ITGAM: variants seen among roughly 807,000 people sequenced by gnomAD.
The protein encoded by ITGAM is integrin subunit alpha M.
Under a neutral mutation model 137.5 loss-of-function variants are expected in ITGAM, and 79 were observed. The ratio of observed to expected loss-of-function variants is 0.57; its 90% confidence interval spans 0.48 to 0.69. ITGAM has a LOEUF of 0.69. Ranked by LOEUF, ITGAM falls within the 30% of genes least tolerant of loss-of-function variation. The pLI is 0.00. For missense variants in ITGAM, 1,343 were observed against 1,483.5 expected (o/e 0.91, Z 1.56); for synonymous variants, 583 against 592.3 (o/e 0.98, Z 0.23).
At position 31,331,921 on chromosome 16, in the gene ITGAM, T is replaced by C; in HGVS notation, c.*214T>C. On this transcript the variant is annotated 3_prime_UTR_variant, in exon 30 of 30. Coordinates refer to ENST00000544665, the MANE Select transcript of ITGAM (RefSeq NM_000632.4). ...TGTGTGCGTGTGCGTGCATGTGCAC[T>C]TGCACGCCCATGTGTGAGTGTGTGC... 2 of 560,400 alleles carry C rather than the reference T, an allele frequency of 3.6e-6. No homozygotes were observed. Among genetic ancestry groups the C allele is most frequent in the South Asian group, 4.4e-5 (2 of 45,334 alleles). 34.7% of individuals were successfully genotyped at this position (560,400 alleles called of 1,614,324 possible).
rs145215095 is a variant in ITGAM, at chr16:31,325,067, GGACCCGTACCAT to G, written c.2363+43_2363+54del. ...TTTCCTCCTCACCTCCTCCAGAGAAGGACCCGTACCATGACCCGCTCTTTTCTCCTCCTGGCC... is the reference window on the plus strand; with the variant it reads ...TTTCCTCCTCACCTCCTCCAGAGAAGGACCCGCTCTTTTCTCCTCCTGGCC... On this transcript the variant is annotated intron_variant, in intron 19 of 29. Transcript: ENST00000544665. 15,158 of 1,574,600 alleles carry G rather than the reference GGACCCGTACCAT, an allele frequency of 9.6e-3. 1,237 individuals carry two copies. In the African/African-American group the frequency reaches 0.18, roughly 19 times the overall value.
chr16:31,269,429 T>TGAAACTA (rs576937038), intron 5 of ITGAM, among the ~76,000 whole-genome samples: 95 of 152,272 alleles, frequency 6.2e-4, no homozygotes, highest in African/African-American at 2.3e-3. Context: ...CGATCTTTGT[T>TGAAACTA]TAAACTATAA....
chr16:31,270,717 ATATATATATATATATATATATATAT>A (rs1349715391), intron 5 of ITGAM, among the ~76,000 whole-genome samples: 11 of 102,746 alleles, frequency 1.1e-4, no homozygotes, highest in African/African-American at 4.7e-4. Context: ...ATATATATAT[ATATATATATATATATATATATATAT>A]ATGTTTTTAA....
In ITGAM at chr16:31,278,088, C is replaced by T. The variant is rs79658154; in HGVS notation, c.1335C>T (p.Asn445=). The T allele has an allele frequency of 4.7e-4, 761 of 1,608,532 alleles. 2 individuals are homozygous for T. Among genetic ancestry groups the T allele is most frequent in the Non-Finnish European group, 6.1e-4 (718 of 1,177,574 alleles). ...AGAACACTGGCATGTGGGAGTCCAACGCTAATGTCAAGGGCACCCAGGTGA... is the reference window on the plus strand; with the variant it reads ...AGAACACTGGCATGTGGGAGTCCAATGCTAATGTCAAGGGCACCCAGGTGA... ...FRQNTGMWES[N]ANVKGTQIGA... The change falls in exon 12 of 30, where the codon AAC becomes AAT. Residue 445 remains asparagine (N), a synonymous_variant. Transcript: ENST00000544665.
At chr16:31,281,067 C>T (rs2079963696) in intron 12 of ITGAM, among the ~76,000 whole-genome samples, 1 of 152,120 alleles carries the variant, frequency 6.6e-6, no homozygotes, top group Admixed American at 6.5e-5. Context: ...AGGGATGAAG[C>T]CCACTTGATC....
At chr16:31,302,473 TTC>T (rs1367227648) in intron 14 of ITGAM, among the ~76,000 whole-genome samples, 1 of 120,268 alleles carries the variant, frequency 8.3e-6, no homozygotes, top group Non-Finnish European at 1.5e-5. Context: ...CTTTCTTTCT[TTC>T]TTTCTTTCTT....
At chr16:31,300,507 G>A (rs1454764063) in intron 14 of ITGAM, among the ~76,000 whole-genome samples, 1 of 152,180 alleles carries the variant, frequency 6.6e-6, no homozygotes, top group Non-Finnish European at 1.5e-5. Flanking sequence ...CTGTGGCTTT[G>A]ATTTGCATTT....
intron 14 of ITGAM, among the ~76,000 whole-genome samples, chr16:31,302,911 T>C (rs1004880929): frequency 3.4e-5 from 5 of 149,042 alleles, no homozygotes; most frequent in African/African-American, 1.2e-4. Context: ...TCTCTCTCTT[T>C]CCCTCCCTCT....
At chr16:31,303,545 A>G (rs777557558) in intron 14 of ITGAM, among the ~76,000 whole-genome samples, 1 of 152,076 alleles carries the variant, frequency 6.6e-6, no homozygotes, top group Non-Finnish European at 1.5e-5. Context: ...ATTTTAGTGC[A>G]CCTGTCATCA....
intron 14 of ITGAM, among the ~76,000 whole-genome samples, chr16:31,321,038 G>T (rs541126788): frequency 1.3e-5 from 2 of 152,088 alleles, no homozygotes; most frequent in Admixed American, 1.3e-4. Flanking sequence ...AAAAGAAATT[G>T]TAGGTATCCT....
In ITGAM at chr16:31,270,965, G is replaced by A; in HGVS notation, c.439G>A (p.Glu147Lys). 1.3e-6 allele frequency: 2 copies of A among 1,552,954 alleles called. No homozygotes were observed. The highest frequency in any genetic ancestry group is 1.7e-6 in the Non-Finnish European group (2 of 1,144,658). ...FPEALRGCPQ[E>K]DSDIAFLIDG... ...TTCCCCTTCCCCAGGGTGTCCTCAA[G>A]AGGATAGTGACATTGCCTTCTTGAT... Residue 147 changes from glutamate to lysine, a missense_variant, in exon 6 of 30, where the codon GAG becomes AAG. Transcript: ENST00000544665.
intron 12 of ITGAM, among the ~76,000 whole-genome samples, chr16:31,296,364 T>G (rs567707142): frequency 6.6e-6 from 1 of 151,986 alleles, no homozygotes; most frequent in East Asian, 1.9e-4. Flanking sequence ...CCACACGCCC[T>G]GGCCTCCCAA....
intron 7 of ITGAM, among the ~76,000 whole-genome samples, chr16:31,272,418 A>G (rs2079850474): frequency 1.3e-5 from 1 of 76,672 alleles, no homozygotes; most frequent in Admixed American, 1.7e-4. Flanking sequence ...CTGAAGGCCA[A>G]TTAACTATAT....
chr16:31,298,845 G>A (rs1400570673), intron 14 of ITGAM, among the ~76,000 whole-genome samples: 1 of 152,096 alleles, frequency 6.6e-6, no homozygotes, highest in Non-Finnish European at 1.5e-5. Flanking sequence ...TGCAAAGCAT[G>A]GAGCCCATCC....
In ITGAM at chr16:31,300,957, A is replaced by G. The variant is rs1456106012; in HGVS notation, c.1707+3003A>G. Among the ~76,000 whole-genome samples, 4 of 152,128 alleles carry G rather than the reference A, an allele frequency of 2.6e-5. No individual in the cohort carries two copies. The East Asian group carries it at 7.7e-4, about 29-fold the overall frequency. ...AGATTTTTTGCTATTGAGTTGTATG[A>G]GTTCACTATATATTTTGGAGATTAA... On this transcript the variant is annotated intron_variant, in intron 14 of 29. Transcript: ENST00000544665.
intron 14 of ITGAM, among the ~76,000 whole-genome samples, chr16:31,311,505 A>T (rs926272517): frequency 3.3e-5 from 5 of 152,246 alleles, no homozygotes; most frequent in African/African-American, 1.2e-4. Context: ...AAAAGAAGAC[A>T]TTTATGCAGC....
At chr16:31,263,815 A>G (rs2079732690) in intron 2 of ITGAM, among the ~76,000 whole-genome samples, 1 of 102,778 alleles carries the variant, frequency 9.7e-6, no homozygotes, top group East Asian at 2.0e-4. Context: ...TTATTTATTT[A>G]TTTATTTATT....
At position 31,275,706 on chromosome 16, in the gene ITGAM, C is replaced by A; in HGVS notation, c.1009+7C>A. 1 of 1,613,520 alleles carries A rather than the reference C, an allele frequency of 6.2e-7. No individual in the cohort carries two copies. Among genetic ancestry groups the A allele is most frequent in the Non-Finnish European group, 8.5e-7 (1 of 1,179,706 alleles). ...AAGATCTTTGCGATCGAGGGTGAGT[C>A]AGGCATCTGTGTTCCCAGAGCAGCT... is the stretch of plus-strand genomic sequence containing the variant. On this transcript the variant is annotated splice_region_variant and intron_variant, in intron 9 of 29. Transcript: ENST00000544665.
Position 31,275,594 on chromosome 16 carries a change from A to G in ITGAM, c.904A>G (p.Thr302Ala). 6.2e-7 allele frequency: 1 copy of G among 1,613,948 alleles called. No homozygotes were observed. The highest frequency in any genetic ancestry group is 8.5e-7 in the Non-Finnish European group (1 of 1,179,854). ...TGAGAAATCCCGCCAAGAGCTTAATACCATCGCATCCAAGCCGCCTCGTGA... is the reference window on the plus strand; with the variant it reads ...TGAGAAATCCCGCCAAGAGCTTAATGCCATCGCATCCAAGCCGCCTCGTGA... Reference protein sequence around the residue: ...RSEKSRQELNTIASKPPRDHV... With the variant: ...RSEKSRQELNAIASKPPRDHV... The change falls in exon 9 of 30, where the codon ACC (threonine) becomes GCC (alanine). Residue 302 changes from threonine (T) to alanine (A), a missense_variant. Transcript: ENST00000544665.
Sources: gnomAD v4.1 joint callset for allele counts (sites outside exome capture counted in the v4.1 genomes callset) on GRCh38, gnomAD v4.1.1 for gene constraint, MANE v1.5 for transcripts, NCBI Gene and HGNC (gene_info 2026-07-23, HGNC 2026-07-21) for gene names.